DLG1: variants seen among roughly 807,000 people sequenced by gnomAD.
The protein encoded by DLG1 is disks large homolog 1.
DLG1 carries 42 observed loss-of-function variants against 123.4 expected under a neutral mutation model. The ratio of observed to expected loss-of-function variants is 0.34; its 90% CI spans 0.27 to 0.44. DLG1 has a LOEUF of 0.44. Among genes scored for constraint, DLG1 ranks in the 20% least tolerant of loss-of-function variants. The probability of loss-of-function intolerance (pLI) is 1.00; values close to 1 mark genes in which losing one functional copy is unlikely to be tolerated. For synonymous variants in DLG1, 317 were observed against 356.2 expected (o/e 0.89, Z 1.24); for missense variants, 942 against 1,082.6 (o/e 0.87, Z 1.82).
intron 17 of DLG1, 168 bp downstream of exon 17, chr3:197,080,883 A>AAG: frequency 2.0e-6 from 1 of 504,876 alleles, no homozygotes; most frequent in Non-Finnish European, 3.5e-6. Flanking sequence ...GATAATTTGG[A>AAG]AGGGTCTGTG....
chr3:197,223,270 T>C (rs1738103941), intron 4 of DLG1, among the ~76,000 whole-genome samples: 1 of 152,110 alleles, frequency 6.6e-6, no homozygotes, highest in African/African-American at 2.4e-5. Flanking sequence ...TTAACTCATG[T>C]TTTGCTGATA....
At chr3:197,051,735 G>T in intron 23 of DLG1, 67 bp from the exon 24 acceptor site, 1 of 1,221,918 alleles carries the variant, frequency 8.2e-7, no homozygotes, top group Non-Finnish European at 1.2e-6. Flanking sequence ...AGATGGCAAA[G>T]GAGAGATGAC....
chr3:197,080,056 T>C (rs1347780341), intron 17 of DLG1, among the ~76,000 whole-genome samples: 3 of 151,596 alleles, frequency 2.0e-5, no homozygotes, highest in Admixed American at 6.6e-5. Context: ...ACATAACATG[T>C]ATTCAGTTTG....
chr3:197,149,803 G>A lies in DLG1; in HGVS notation c.484-7C>T. 6.4e-7 allele frequency: 1 copy of A among 1,560,146 alleles called. No individual in the cohort carries two copies. Among genetic ancestry groups the A allele is most frequent in the Non-Finnish European group, 8.8e-7 (1 of 1,135,000 alleles). On this transcript the variant is annotated splice_region_variant and splice_polypyrimidine_tract_variant and intron_variant, in intron 5 of 24. Coordinates refer to ENST00000667157, the MANE Select transcript of DLG1 (RefSeq NM_001366207.1). Reference sequence around the variant, plus strand: ...GTACTGGGGGAGGATTTGCCTTTAAGAAGAAATTGTAAATGTGTTAACAAG... The same window carrying A: ...GTACTGGGGGAGGATTTGCCTTTAAAAAGAAATTGTAAATGTGTTAACAAG...
chr3:197,154,454 T>A (rs1795412302), intron 5 of DLG1, among the ~76,000 whole-genome samples: 1 of 151,882 alleles, frequency 6.6e-6, no homozygotes, highest in African/African-American at 2.4e-5. Flanking sequence ...GGTGGGTGGA[T>A]CACTAGGTCA....
chr3:197,048,847 G>A (rs997507419), intron 24 of DLG1, among the ~76,000 whole-genome samples: 3 of 151,998 alleles, frequency 2.0e-5, no homozygotes, highest in African/African-American at 7.3e-5. Flanking sequence ...TAGAGAAAAG[G>A]GGTTTCGCCA....
At chr3:197,107,714 A>G (rs1767385188) in intron 13 of DLG1, among the ~76,000 whole-genome samples, 1 of 152,100 alleles carries the variant, frequency 6.6e-6, no homozygotes, top group South Asian at 2.1e-4. Context: ...TTAGCTTGAC[A>G]GTCTGTTGTT....
chr3:197,118,457 C>T (rs1490773794), intron 12 of DLG1, among the ~76,000 whole-genome samples: 1 of 152,124 alleles, frequency 6.6e-6, no homozygotes, highest in Non-Finnish European at 1.5e-5. Flanking sequence ...ATTGCTAATT[C>T]TTTATGAAAG....
intron 5 of DLG1, among the ~76,000 whole-genome samples, chr3:197,170,887 T>C (rs1007759838): frequency 6.6e-6 from 1 of 152,196 alleles, no homozygotes; most frequent in African/African-American, 2.4e-5. Context: ...AAGTCTTTAA[T>C]CTATCTTGAG....
chr3:197,195,609 A>C (rs576505028), intron 4 of DLG1, among the ~76,000 whole-genome samples: 6 of 152,340 alleles, frequency 3.9e-5, no homozygotes, highest in Admixed American at 1.3e-4. Flanking sequence ...CCATTATTCT[A>C]ACTGAACTAA....
intron 3 of DLG1, among the ~76,000 whole-genome samples, chr3:197,284,873 T>C (rs1423193339): frequency 6.6e-6 from 1 of 152,188 alleles, no homozygotes; most frequent in Non-Finnish European, 1.5e-5. Context: ...TTCCCTGTTT[T>C]GGCCTAAACT....
intron 23 of DLG1, among the ~76,000 whole-genome samples, chr3:197,057,452 G>C (rs192959790): frequency 2.0e-4 from 31 of 152,312 alleles, no homozygotes; most frequent in African/African-American, 7.2e-4. Flanking sequence ...AAGCGTTTCT[G>C]TGGAGTGTGC....
chr3:197,073,747 C>T (rs1159370908), intron 18 of DLG1, among the ~76,000 whole-genome samples: 1 of 152,130 alleles, frequency 6.6e-6, no homozygotes, highest in Non-Finnish European at 1.5e-5. Flanking sequence ...TCTCTGTCTG[C>T]TCTTCAATTA....
intron 5 of DLG1, among the ~76,000 whole-genome samples, chr3:197,173,304 T>C (rs1279325884): frequency 6.6e-6 from 1 of 152,236 alleles, no homozygotes; most frequent in Non-Finnish European, 1.5e-5. Flanking sequence ...TTGATAAAGA[T>C]GATGATGACC....
intron 3 of DLG1, among the ~76,000 whole-genome samples, chr3:197,287,556 C>T: frequency 6.6e-6 from 1 of 151,984 alleles, no homozygotes; most frequent in Non-Finnish European, 1.5e-5. Flanking sequence ...GCAAGTAACA[C>T]GGGAAGTTAT....
intron 4 of DLG1, among the ~76,000 whole-genome samples, chr3:197,214,093 A>G (rs1561489755): frequency 6.6e-6 from 1 of 152,212 alleles, no homozygotes; most frequent in Non-Finnish European, 1.5e-5. Context: ...TAAGAATAAT[A>G]TTTTAAATCA....
intron 4 of DLG1, among the ~76,000 whole-genome samples, chr3:197,227,766 G>C (rs1204892677): frequency 6.6e-6 from 1 of 152,140 alleles, no homozygotes; most frequent in Non-Finnish European, 1.5e-5. Flanking sequence ...AATTGTATAA[G>C]GGGTGAGAGA....
At chr3:197,198,484 C>G (rs1723812400) in intron 4 of DLG1, among the ~76,000 whole-genome samples, 2 of 66,716 alleles carry the variant, frequency 3.0e-5, no homozygotes, top group Non-Finnish European at 3.4e-5. Flanking sequence ...GAGACTCAGT[C>G]TCCAAAAAAA....
At chr3:197,058,503 G>C (rs1420097593) in intron 23 of DLG1, among the ~76,000 whole-genome samples, 1 of 152,134 alleles carries the variant, frequency 6.6e-6, no homozygotes. Flanking sequence ...GAAGCATAAT[G>C]CTTAATTTCC....
Sources: gnomAD v4.1 joint callset for allele counts (sites outside exome capture counted in the v4.1 genomes callset) on GRCh38, gnomAD v4.1.1 for gene constraint, MANE v1.5 for transcripts, NCBI Gene and HGNC (gene_info 2026-07-23, HGNC 2026-07-21) for gene names.